The following CNTN5 variants were observed in gnomAD, a reference collection of about 807,000 sequenced individuals.
The protein encoded by CNTN5 is contactin 5, also known as contactin-5.
A neutral mutation model predicts 129.1 loss-of-function variants in CNTN5; 77 were observed. That is an observed-to-expected ratio of 0.60 (90% CI 0.50 to 0.72). The LOEUF (loss-of-function observed/expected upper bound fraction) is 0.72, where lower values mean the gene tolerates loss of function less well. Among genes scored for constraint, CNTN5 ranks in the 30% least tolerant of loss-of-function variants. CNTN5 has a pLI of 0.00. For synonymous variants in CNTN5, 509 were observed against 465.6 expected (o/e 1.09, Z -1.20); for missense variants, 1,478 against 1,328.8 (o/e 1.11, Z -1.75).
intron 16 of CNTN5, among the ~76,000 whole-genome samples, chr11:100,240,006 T>A (rs1330154643): frequency 6.6e-6 from 1 of 152,238 alleles, no homozygotes; most frequent in Non-Finnish European, 1.5e-5. Context: ...TCATTTGAAA[T>A]ACTTAATCAC....
chr11:99,170,479 G>C (rs1446821484), intron 1 of CNTN5, among the ~76,000 whole-genome samples: 1 of 152,120 alleles, frequency 6.6e-6, no homozygotes, highest in Non-Finnish European at 1.5e-5. Flanking sequence ...GTCTAAATAA[G>C]TAAATTGCAT....
chr11:99,589,417 A>T (rs1414765741), intron 3 of CNTN5, among the ~76,000 whole-genome samples: 1 of 152,222 alleles, frequency 6.6e-6, no homozygotes, highest in African/African-American at 2.4e-5. Context: ...AACATTCTAA[A>T]CCACTAAAAG....
At chr11:99,948,955 G>A (rs76130841) in intron 7 of CNTN5, among the ~76,000 whole-genome samples, 19,917 of 152,188 alleles carry the variant, frequency 0.13, 1,347 homozygotes, top group South Asian at 0.18. Context: ...ATACAGGGGA[G>A]AGGGTGCAAA....
At chr11:99,894,515 C>CAAAAAA (rs202067813) in intron 6 of CNTN5, among the ~76,000 whole-genome samples, 1 of 107,496 alleles carries the variant, frequency 9.3e-6, no homozygotes. Flanking sequence ...GTACCAGCAG[C>CAAAAAA]AAAAAAAAAA....
Position 100,170,026 on chromosome 11 carries a change from C to T in CNTN5, c.1581-21100C>T, listed in dbSNP as rs561305184. ...ACTGTTACTGTATGAAAATACTTCCCCCAACTTTTCTAGATAAAAGAACAC... is the reference window on the plus strand; with the variant it reads ...ACTGTTACTGTATGAAAATACTTCCTCCAACTTTTCTAGATAAAAGAACAC... On this transcript the variant is annotated intron_variant, in intron 13 of 24. Coordinates refer to ENST00000524871, the MANE Select transcript of CNTN5 (RefSeq NM_014361.4). Among the ~76,000 whole-genome samples, 12 of 151,976 alleles carry T rather than the reference C, an allele frequency of 7.9e-5. No individual in the cohort carries two copies. The East Asian group carries it at 2.1e-3, about 27-fold the overall frequency.
intron 6 of CNTN5, among the ~76,000 whole-genome samples, chr11:99,847,559 C>G (rs1947739908): frequency 6.6e-6 from 1 of 152,100 alleles, no homozygotes; most frequent in South Asian, 2.1e-4. Flanking sequence ...CCACAAGGTA[C>G]CTGGTTAAAG....
Position 100,191,245 on chromosome 11 carries a change from C to T in CNTN5, c.1700C>T (p.Ser567Phe). 1 of 1,612,140 alleles carries T rather than the reference C, an allele frequency of 6.2e-7. No individual in the cohort carries two copies. The highest frequency in any genetic ancestry group is 2.2e-5 in the East Asian group (1 of 44,766). Residue 567 changes from serine (S) to phenylalanine (F), a missense_variant, in exon 14 of 25, where the codon TCT becomes TTT. By Grantham distance (155) the Ser-to-Phe change is radical. Coordinates refer to ENST00000524871, the MANE Select transcript of CNTN5 (RefSeq NM_014361.4). The part of the protein sequence containing the change: ...FGSAEIIASL[S>F]VKEPTRIELT... ...TCTGCTGAAATTATAGCTTCGCTAT[C>T]TGTAAAAGGTAAGACAGCACGGGTA...
intron 1 of CNTN5, among the ~76,000 whole-genome samples, chr11:99,096,305 G>T (rs538685098): frequency 6.6e-6 from 1 of 151,876 alleles, no homozygotes; most frequent in Admixed American, 6.6e-5. Context: ...ATGATAGAAA[G>T]TATTTGTGAT....
intron 1 of CNTN5, among the ~76,000 whole-genome samples, chr11:99,291,672 C>G (rs1864177716): frequency 6.6e-6 from 1 of 151,890 alleles, no homozygotes; most frequent in Non-Finnish European, 1.5e-5. Context: ...ATACTTTGTT[C>G]TTTAGTTAAT....
intron 13 of CNTN5, among the ~76,000 whole-genome samples, chr11:100,183,246 A>G (rs886111015): frequency 3.9e-5 from 6 of 152,192 alleles, no homozygotes; most frequent in Non-Finnish European, 7.3e-5. Context: ...GCAATCTTAA[A>G]TATTTACCCA....
At chr11:99,304,431 C>T (rs762906241) in intron 1 of CNTN5, among the ~76,000 whole-genome samples, 4 of 152,026 alleles carry the variant, frequency 2.6e-5, no homozygotes, top group Non-Finnish European at 4.4e-5. Flanking sequence ...CTCCATTTGA[C>T]GGGACAAAGA....
intron 2 of CNTN5, among the ~76,000 whole-genome samples, chr11:99,412,817 C>G (rs1942460805): frequency 6.6e-6 from 1 of 152,234 alleles, no homozygotes; most frequent in African/African-American, 2.4e-5. Flanking sequence ...ATAAATGAGG[C>G]TGTATTTTTG....
At chr11:100,094,722 G>A (rs1260380418) in intron 13 of CNTN5, among the ~76,000 whole-genome samples, 3 of 150,158 alleles carry the variant, frequency 2.0e-5, no homozygotes, top group African/African-American at 7.4e-5. Flanking sequence ...AGGAAAAAAG[G>A]AAAGAGAGAG....
chr11:99,579,510 C>T (rs556152752), intron 3 of CNTN5, among the ~76,000 whole-genome samples: 12 of 149,944 alleles, frequency 8.0e-5, no homozygotes, highest in East Asian at 2.0e-4. Flanking sequence ...TTTCATTGAG[C>T]AGTGGTTTGT....
chr11:99,441,082 G>A (rs1053209552), intron 2 of CNTN5, among the ~76,000 whole-genome samples: 41 of 152,100 alleles, frequency 2.7e-4, no homozygotes, highest in African/African-American at 9.4e-4. Context: ...TGCCTCCCAA[G>A]TAGCTGGGAT....
Position 100,191,169 on chromosome 11 carries a change from T to G in CNTN5, c.1624T>G (p.Ser542Ala). ...PDGSLRILNASKSDEGKYVCR... is the reference protein window; with the variant it reads ...PDGSLRILNAAKSDEGKYVCR... ...CGGGAGTCTACGGATCCTAAATGCT[T>G]CCAAATCAGACGAGGGAAAGTACGT... The change falls in exon 14 of 25, where the codon TCC (serine) becomes GCC (alanine). Residue 542 changes from serine to alanine, a missense_variant. Coordinates refer to ENST00000524871, the MANE Select transcript of CNTN5 (RefSeq NM_014361.4). 6.2e-7 allele frequency: 1 copy of G among 1,611,380 alleles called. No homozygotes were observed. Among genetic ancestry groups the G allele is most frequent in the Non-Finnish European group, 8.5e-7 (1 of 1,178,042 alleles).
chr11:99,880,440 T>C (rs1423939624), intron 6 of CNTN5, among the ~76,000 whole-genome samples: 2 of 152,214 alleles, frequency 1.3e-5, no homozygotes, highest in Non-Finnish European at 2.9e-5. Flanking sequence ...TCATTTTTTT[T>C]CACTCGTGGT....
intron 13 of CNTN5, among the ~76,000 whole-genome samples, chr11:100,168,879 G>C (rs1043578061): frequency 6.6e-6 from 1 of 151,936 alleles, no homozygotes; most frequent in South Asian, 2.1e-4. Context: ...GTTCATGGCA[G>C]GAGGTCAGAA....
intron 6 of CNTN5, among the ~76,000 whole-genome samples, chr11:99,915,555 T>A (rs1949766330): frequency 6.6e-6 from 1 of 152,174 alleles, no homozygotes; most frequent in Non-Finnish European, 1.5e-5. Flanking sequence ...AAGAATGCTT[T>A]TTCTATTTTT....
Sources: allele counts gnomAD v4.1 joint callset (sites outside exome capture counted in the v4.1 genomes callset), GRCh38; gene constraint gnomAD v4.1.1; transcripts MANE v1.5; gene names NCBI Gene and HGNC (gene_info 2026-07-23, HGNC 2026-07-21).